The following PGAP1 variants were observed in gnomAD, a reference collection of about 807,000 sequenced individuals.
PGAP1 encodes GPI inositol-deacylase.
A neutral mutation model predicts 127.0 loss-of-function variants in PGAP1; 76 were observed. The observed-to-expected ratio is 0.60, with a 90% CI of 0.50 to 0.72. PGAP1 has a LOEUF of 0.72. PGAP1 is among the 30% of genes least tolerant of loss of function. The pLI, the probability that PGAP1 is intolerant of heterozygous loss-of-function variation, is 0.00. For missense variants in PGAP1, 982 were observed against 1,071.3 expected (o/e 0.92, Z 1.16); for synonymous variants, 362 against 366.5 (o/e 0.99, Z 0.14).
chr2:196,888,540 A>C (rs1701992249), intron 10 of PGAP1, among the ~76,000 whole-genome samples: 1 of 152,138 alleles, frequency 6.6e-6, no homozygotes, highest in Non-Finnish European at 1.5e-5. Flanking sequence ...ACTAAAAGAC[A>C]CTATGGGAAT....
Position 196,851,708 on chromosome 2 carries a change from G to C in PGAP1, c.1862-3671C>G, listed in dbSNP as rs139036811. 1.1e-3 allele frequency among the ~76,000 whole-genome samples: 163 copies of C among 152,130 alleles called. No individual in the cohort carries two copies. The East Asian group carries it at 0.019, about 18-fold the overall frequency. On this transcript the variant is annotated intron_variant, in intron 20 of 26. Coordinates refer to ENST00000354764, the MANE Select transcript of PGAP1 (RefSeq NM_024989.4). ...GCCCCTGGAGCTCTCTGCTTCCACG[G>C]CACACCTTTTGTCAGGCCAAGACTC...
chr2:196,922,494 T>G, intron 1 of PGAP1: 1 of 972,252 alleles, frequency 1.0e-6, no homozygotes, highest in Non-Finnish European at 1.2e-6. Context: ...TAAGGACAAC[T>G]GAATTTTTCA....
At chr2:196,881,985 T>C (rs1701748343) in intron 12 of PGAP1, among the ~76,000 whole-genome samples, 1 of 152,202 alleles carries the variant, frequency 6.6e-6, no homozygotes, top group Non-Finnish European at 1.5e-5. Context: ...TAGTTTTGGG[T>C]TTTACACTTG....
At chr2:196,916,374 G>T in intron 3 of PGAP1, 44 bp downstream of exon 3, 1 of 1,461,642 alleles carries the variant, frequency 6.8e-7, no homozygotes, top group Non-Finnish European at 9.1e-7. Flanking sequence ...TTAAAAAGGT[G>T]CCGATAGGTT....
Position 196,923,049 on chromosome 2 carries a change from T to C in PGAP1, c.148-2899A>G, listed in dbSNP as rs186895574. ...CTTTAAAATGTATTTTTAATATGTT[T>C]TTGAATTCAAGATTCAAAAGGATAT... On this transcript the variant is annotated intron_variant, in intron 1 of 26. Coordinates refer to ENST00000354764, the MANE Select transcript of PGAP1 (RefSeq NM_024989.4). 1.5e-4 allele frequency among the ~76,000 whole-genome samples: 23 copies of C among 152,232 alleles called. 1 individual carries two copies. Among genetic ancestry groups the C allele is most frequent in the Admixed American group, 1.5e-3 (23 of 15,288 alleles).
At chr2:196,921,401 A>G (rs150699178) in intron 1 of PGAP1, among the ~76,000 whole-genome samples, 1 of 152,300 alleles carries the variant, frequency 6.6e-6, no homozygotes, top group East Asian at 1.9e-4. Context: ...TATTTGGTAT[A>G]TGTACTTCAA....
intron 5 of PGAP1, among the ~76,000 whole-genome samples, chr2:196,900,610 A>T (rs529731136): frequency 6.6e-6 from 1 of 152,334 alleles, no homozygotes; most frequent in African/African-American, 2.4e-5. Flanking sequence ...CAGAAATCAG[A>T]GATAACAAGC....
At position 196,926,544 on chromosome 2, in the gene PGAP1, G is replaced by A; in HGVS notation, c.73C>T (p.Leu25=). 1 of 1,613,716 alleles carries A rather than the reference G, an allele frequency of 6.2e-7. No individual in the cohort carries two copies. The highest frequency in any genetic ancestry group is 8.5e-7 in the Non-Finnish European group (1 of 1,179,834). ...TCGAAGCCGAAGAAGACATCCCACA[G>A]CCCCAGGGTTGCCAGAAAGACCATG... The part of the protein sequence containing the change: ...VFMVFLATLG[L]WDVFFGFEEN... Residue 25 remains leucine, a synonymous_variant, in exon 1 of 27, where the codon CTG becomes TTG. Coordinates refer to ENST00000354764, the MANE Select transcript of PGAP1 (RefSeq NM_024989.4).
intron 12 of PGAP1, among the ~76,000 whole-genome samples, chr2:196,881,134 TC>T (rs1299388065): frequency 2.6e-5 from 4 of 152,180 alleles, no homozygotes; most frequent in Non-Finnish European, 5.9e-5. Context: ...GGTTTTCTCT[TC>T]CTGCATTCAT....
chr2:196,870,283 T>C (rs1376302234), intron 19 of PGAP1, among the ~76,000 whole-genome samples: 1 of 151,840 alleles, frequency 6.6e-6, no homozygotes, highest in Admixed American at 6.6e-5. Context: ...GAAATCTTTT[T>C]TCTTTTTCTT....
rs916353350 is a variant in PGAP1 at position 196,839,584 on chromosome 2, C to T, written c.*1650G>A. 1 of 152,160 alleles carries T rather than the reference C, an allele frequency of 6.6e-6. No homozygotes were observed. Among genetic ancestry groups the T allele is most frequent in the Non-Finnish European group, 1.5e-5 (1 of 68,036 alleles). The allele number at this position is 152,160 out of a possible 1,614,324, so 9.4% of individuals were successfully genotyped here. On this transcript the variant is annotated 3_prime_UTR_variant, in exon 27 of 27. Transcript: ENST00000354764. ...TAAAATATGAATACTGAAAAACATG[C>T]TCAAAGCTAGAAAAGACAACAATGG... is the stretch of plus-strand genomic sequence containing the variant.
intron 19 of PGAP1, 62 bp downstream of exon 19, chr2:196,870,879 C>T (rs1252253970): frequency 1.4e-6 from 2 of 1,424,928 alleles, no homozygotes; most frequent in Non-Finnish European, 2.0e-6. Flanking sequence ...GTCTACAACC[C>T]TTCCTTAGAG....
intron 1 of PGAP1, 49 bp downstream of exon 1, chr2:196,926,421 A>G: frequency 6.2e-7 from 1 of 1,609,142 alleles, no homozygotes; most frequent in Non-Finnish European, 8.5e-7. Flanking sequence ...AAAAGGCACC[A>G]GGGGCCAGAG....
Position 196,861,211 on chromosome 2 carries a change from G to A in PGAP1, c.1861+3776C>T, listed in dbSNP as rs368176670. Among the ~76,000 whole-genome samples the A allele has an allele frequency of 1.7e-3, 262 of 152,192 alleles. 8 individuals are homozygous for A. The South Asian group carries it at 0.033, about 19-fold the overall frequency. On this transcript the variant is annotated intron_variant, in intron 20 of 26. Transcript: ENST00000354764. The stretch of plus-strand genomic sequence containing the variant: ...AAATAAAGACTTAAATTTAAAACCC[G>A]AAACGACGAAACTACCACAAGAATA...
intron 23 of PGAP1, among the ~76,000 whole-genome samples, chr2:196,845,035 T>C (rs1700518817): frequency 1.3e-5 from 2 of 152,036 alleles, no homozygotes; most frequent in Admixed American, 6.5e-5. Flanking sequence ...GAAATGTTTA[T>C]AAGAACTGAA....
At position 196,847,243 on chromosome 2, in the gene PGAP1, G is replaced by A. The variant is rs779165964; in HGVS notation, c.1953-43C>T. The stretch of plus-strand genomic sequence containing the variant: ...TATAAAAGCAAAAAACCCAACAACT[G>A]AAATTTAAGGACTTAATATTTGAGG... On this transcript the variant is annotated intron_variant, in intron 21 of 26. Transcript: ENST00000354764. The A allele has an allele frequency of 9.2e-6, 13 of 1,417,302 alleles. No individual in the cohort carries two copies. The East Asian group carries it at 2.7e-4, about 30-fold the overall frequency. 87.8% of individuals were successfully genotyped at this position (1,417,302 alleles called of 1,614,324 possible).
intron 20 of PGAP1, 66 bp from the exon 21 acceptor site, chr2:196,848,103 G>A (rs981501834): frequency 1.5e-5 from 16 of 1,066,824 alleles, no homozygotes; most frequent in East Asian, 1.3e-4. Context: ...TATATCCCAC[G>A]TTCTCTAAAA....
rs1463756020 is a variant in PGAP1 at position 196,875,631 on chromosome 2, TA to T, written c.1426+114del. On this transcript the variant is annotated intron_variant, in intron 14 of 26. Transcript: ENST00000354764. The stretch of plus-strand genomic sequence containing the variant: ...AAACCACTGAACCACATCATATAGT[TA>T]TTCTAAGAACTATACTTGAAATATT... 4 of 651,124 alleles carry T rather than the reference TA, an allele frequency of 6.1e-6. No homozygotes were observed. In the African/African-American group the frequency reaches 7.4e-5, roughly 12 times the overall value. 40.3% of individuals were successfully genotyped at this position (651,124 alleles called of 1,614,324 possible). A position where few individuals can be genotyped will look rare whatever the true frequency, so the allele number is the denominator to read the frequency against.
chr2:196,902,528 C>A, intron 5 of PGAP1, 57 bp downstream of exon 5: 1 of 1,441,108 alleles, frequency 6.9e-7, no homozygotes, highest in South Asian at 1.3e-5. Context: ...TTTCTTCTTT[C>A]ATGCTCCACT....
Sources: gnomAD v4.1 joint callset for allele counts (sites outside exome capture counted in the v4.1 genomes callset) on GRCh38, gnomAD v4.1.1 for gene constraint, MANE v1.5 for transcripts, NCBI Gene and HGNC (gene_info 2026-07-23, HGNC 2026-07-21) for gene names.